DOCK3: variants seen among roughly 807,000 people sequenced by gnomAD.
DOCK3 encodes the protein dedicator of cytokinesis 3, also known as dedicator of cytokinesis protein 3.
DOCK3 carries 60 observed loss-of-function variants against 265.6 expected under a neutral mutation model. The ratio of observed to expected loss-of-function variants is 0.23; its 90% CI spans 0.18 to 0.28. The LOEUF (loss-of-function observed/expected upper bound fraction) is 0.28. DOCK3 is among the 10% of genes least tolerant of loss of function. The pLI is 1.00. For synonymous variants in DOCK3, 881 were observed against 938.0 expected (o/e 0.94, Z 1.11); for missense variants, 1,981 against 2,594.3 (o/e 0.76, Z 5.14).
At chr3:51,331,611 A>G (rs147828152) in intron 33 of DOCK3, among the ~76,000 whole-genome samples, 86 of 152,266 alleles carry the variant, frequency 5.6e-4, no homozygotes, top group African/African-American at 1.9e-3. Context: ...GATTCAGCTA[A>G]GCAAAATTGA....
chr3:51,310,726 A>G (rs891180310), intron 28 of DOCK3, among the ~76,000 whole-genome samples: 2 of 152,182 alleles, frequency 1.3e-5, no homozygotes, highest in Non-Finnish European at 2.9e-5. Context: ...GGCTCTGACC[A>G]CTTCTGATTA....
intron 5 of DOCK3, among the ~76,000 whole-genome samples, chr3:50,948,401 CTTTTTT>C (rs59584829): frequency 2.0e-5 from 2 of 98,650 alleles, no homozygotes; most frequent in African/African-American, 8.2e-5. Context: ...AAGTTTTAAT[CTTTTTT>C]TTTTTTTTTT....
chr3:51,203,061 A>C (rs2088913582), intron 12 of DOCK3, among the ~76,000 whole-genome samples: 1 of 152,226 alleles, frequency 6.6e-6, no homozygotes, highest in African/African-American at 2.4e-5. Context: ...AGCCAATATC[A>C]TATTGAACGG....
At chr3:51,004,596 A>T (rs963489146) in intron 5 of DOCK3, among the ~76,000 whole-genome samples, 1 of 152,066 alleles carries the variant, frequency 6.6e-6, no homozygotes, top group African/African-American at 2.4e-5. Context: ...TAGTAGTATT[A>T]TATAGTAGAA....
chr3:51,366,095 C>T (rs1375423163), intron 49 of DOCK3, among the ~76,000 whole-genome samples: 5 of 152,112 alleles, frequency 3.3e-5, no homozygotes, highest in African/African-American at 4.8e-5. Flanking sequence ...TGGTCGAATT[C>T]GGCTGTGAAT....
At chr3:51,108,203 T>A (rs2083369541) in intron 9 of DOCK3, among the ~76,000 whole-genome samples, 1 of 152,118 alleles carries the variant, frequency 6.6e-6, no homozygotes, top group Non-Finnish European at 1.5e-5. Flanking sequence ...ATTTTATGTT[T>A]CTAGTAGAGA....
chr3:51,380,427 G>A (rs1553618192), intron 52 of DOCK3, among the ~76,000 whole-genome samples: 1 of 152,176 alleles, frequency 6.6e-6, no homozygotes, highest in African/African-American at 2.4e-5. Flanking sequence ...GAGGGTCCTG[G>A]AGACAACAAC....
At chr3:51,073,424 G>A (rs1369010447) in intron 6 of DOCK3, among the ~76,000 whole-genome samples, 3 of 152,172 alleles carry the variant, frequency 2.0e-5, no homozygotes, top group Non-Finnish European at 2.9e-5. Context: ...GTTAGAAGCC[G>A]GAGGCCTGAA....
chr3:50,821,502 G>T (rs530035004), intron 2 of DOCK3, among the ~76,000 whole-genome samples: 1 of 151,944 alleles, frequency 6.6e-6, no homozygotes, highest in African/African-American at 2.4e-5. Context: ...GGGTTTCACC[G>T]TGTTAGCCAG....
chr3:51,330,911 A>G (rs1252345138), intron 33 of DOCK3, among the ~76,000 whole-genome samples: 1 of 152,220 alleles, frequency 6.6e-6, no homozygotes, highest in Non-Finnish European at 1.5e-5. Context: ...CATCTTACTT[A>G]TTTCCAACTT....
At chr3:51,206,571 A>AAG (rs879720177) in intron 12 of DOCK3, among the ~76,000 whole-genome samples, 1 of 152,144 alleles carries the variant, frequency 6.6e-6, no homozygotes, top group Non-Finnish European at 1.5e-5. Flanking sequence ...TTAAAAAAAA[A>AAG]AGAGAGAGAC....
chr3:51,004,769 G>C (rs1196735450), intron 5 of DOCK3, among the ~76,000 whole-genome samples: 1 of 140,168 alleles, frequency 7.1e-6, no homozygotes, highest in Non-Finnish European at 1.5e-5. Context: ...TAGGTGGTCA[G>C]ACTGTAAATG....
At chr3:51,091,188 G>A (rs2082622596) in intron 9 of DOCK3, among the ~76,000 whole-genome samples, 1 of 152,146 alleles carries the variant, frequency 6.6e-6, no homozygotes, top group Non-Finnish European at 1.5e-5. Flanking sequence ...TAGTGGTATT[G>A]ATGAAAGCTA....
rs1284256999 is a variant in DOCK3 at position 51,348,889 on chromosome 3, C to A, written c.3953C>A (p.Ala1318Glu). ...EFGIPLCREL[A>E]CQYESLYDYQ... ...GGGATCCCACTGTGCAGGGAGCTGGCGTGTCAGTACGAGAGCCTCTATGAT... is the reference window on the plus strand; with the variant it reads ...GGGATCCCACTGTGCAGGGAGCTGGAGTGTCAGTACGAGAGCCTCTATGAT... Residue 1318 changes from alanine to glutamate, a missense_variant, in exon 39 of 53, where the codon GCG (alanine) becomes GAG (glutamate). Coordinates refer to ENST00000266037, the MANE Select transcript of DOCK3 (RefSeq NM_004947.5). 2 of 1,584,792 alleles carry A rather than the reference C, an allele frequency of 1.3e-6. No individual in the cohort carries two copies.
At chr3:51,224,185 G>T (rs557465056) in intron 14 of DOCK3, among the ~76,000 whole-genome samples, 1 of 152,272 alleles carries the variant, frequency 6.6e-6, no homozygotes, top group East Asian at 1.9e-4. Context: ...AGTTCTTAGG[G>T]CTCTTGAGGA....
intron 13 of DOCK3, among the ~76,000 whole-genome samples, chr3:51,212,835 G>C (rs554999945): frequency 6.6e-6 from 1 of 152,158 alleles, no homozygotes; most frequent in South Asian, 2.1e-4. Context: ...TGTGATCCTG[G>C]TGTTAATGAC....
At chr3:50,849,286 C>T (rs1035649438) in intron 3 of DOCK3, among the ~76,000 whole-genome samples, 1 of 151,954 alleles carries the variant, frequency 6.6e-6, no homozygotes, top group Non-Finnish European at 1.5e-5. Flanking sequence ...CTTCCTTCCT[C>T]AGCCTCCCAA....
At chr3:51,161,916 T>C (rs529436578) in intron 12 of DOCK3, among the ~76,000 whole-genome samples, 1 of 152,274 alleles carries the variant, frequency 6.6e-6, no homozygotes, top group East Asian at 1.9e-4. Flanking sequence ...CCAAAGGATA[T>C]TGTCTTAGAT....
At chr3:50,767,335 A>G (rs138629497) in intron 1 of DOCK3, among the ~76,000 whole-genome samples, 47 of 152,314 alleles carry the variant, frequency 3.1e-4, no homozygotes, top group African/African-American at 1.1e-3. Flanking sequence ...CTTTCTACAT[A>G]TGGCTAGCCA....
Sources: gnomAD v4.1 joint callset for allele counts (sites outside exome capture counted in the v4.1 genomes callset) on GRCh38, gnomAD v4.1.1 for gene constraint, MANE v1.5 for transcripts, NCBI Gene and HGNC (gene_info 2026-07-23, HGNC 2026-07-21) for gene names.